Variants in FBXL17 observed in about 807,000 individuals in gnomAD.
The protein encoded by FBXL17 is F-box and leucine rich repeat protein 17.
Under a neutral mutation model 66.2 loss-of-function variants are expected in FBXL17, and 22 were observed. That is an observed-to-expected ratio of 0.33 (90% CI 0.24 to 0.47). The LOEUF (loss-of-function observed/expected upper bound fraction) is 0.47. Ranked by LOEUF, FBXL17 falls within the 20% of genes least tolerant of loss-of-function variation. FBXL17 has a pLI of 1.00. For missense variants in FBXL17, 878 were observed against 948.2 expected (o/e 0.93, Z 0.97); for synonymous variants, 474 against 400.5 (o/e 1.18, Z -2.19).
chr5:108,020,220 A>G (rs748851176), intron 7 of FBXL17, among the ~76,000 whole-genome samples: 26 of 151,952 alleles, frequency 1.7e-4, no homozygotes, highest in Admixed American at 3.3e-4. Flanking sequence ...TATAAAGCCT[A>G]ATATATTTTC....
chr5:108,316,247 T>C (rs546510560), intron 4 of FBXL17, among the ~76,000 whole-genome samples: 3 of 151,646 alleles, frequency 2.0e-5, no homozygotes, highest in South Asian at 4.1e-4. Flanking sequence ...CAAACTGTTA[T>C]TAAAATACTT....
intron 7 of FBXL17, among the ~76,000 whole-genome samples, chr5:107,947,465 A>G (rs1580233475): frequency 6.6e-6 from 1 of 152,154 alleles, no homozygotes; most frequent in Non-Finnish European, 1.5e-5. Context: ...ATCTTGACTG[A>G]CCTTGACCAT....
chr5:107,964,637 T>G (rs1480939599), intron 7 of FBXL17, among the ~76,000 whole-genome samples: 1 of 152,110 alleles, frequency 6.6e-6, no homozygotes, highest in Non-Finnish European at 1.5e-5. Flanking sequence ...ATACAATGGA[T>G]AGCTTTACCT....
At chr5:108,318,814 T>C (rs992801264) in intron 4 of FBXL17, among the ~76,000 whole-genome samples, 3 of 151,964 alleles carry the variant, frequency 2.0e-5, no homozygotes, top group Non-Finnish European at 4.4e-5. Flanking sequence ...AAACAAGTGA[T>C]GGTTATGAAA....
Position 108,265,993 on chromosome 5 carries a change from T to A in FBXL17, c.1507-41765A>T, listed in dbSNP as rs1011744883. Among the ~76,000 whole-genome samples, 6 of 152,296 alleles carry A rather than the reference T, an allele frequency of 3.9e-5. No homozygotes were observed. In the South Asian group the frequency reaches 8.3e-4, roughly 21 times the overall value. On this transcript the variant is annotated intron_variant, in intron 4 of 8. Coordinates refer to ENST00000542267, the MANE Select transcript of FBXL17 (RefSeq NM_001163315.3). Reference sequence around the variant, plus strand: ...CAGAAATACTTAGTTGCCCTTCAGTTTTTTCTTACTGAGGGGAACTAATTC... The same window carrying A: ...CAGAAATACTTAGTTGCCCTTCAGTATTTTCTTACTGAGGGGAACTAATTC...
At chr5:108,029,566 G>A (rs1431782953) in intron 6 of FBXL17, among the ~76,000 whole-genome samples, 1 of 152,046 alleles carries the variant, frequency 6.6e-6, no homozygotes, top group Non-Finnish European at 1.5e-5. Flanking sequence ...TAAGAAAGAG[G>A]TAGCAGGTCA....
intron 6 of FBXL17, among the ~76,000 whole-genome samples, chr5:108,175,014 CT>C (rs1752747750): frequency 6.6e-6 from 1 of 152,126 alleles, no homozygotes; most frequent in Admixed American, 6.5e-5. Flanking sequence ...TAAATTTTCA[CT>C]TTATGAAGCA....
intron 7 of FBXL17, among the ~76,000 whole-genome samples, chr5:107,946,252 ATT>A (rs201604465): frequency 4.6e-4 from 26 of 56,908 alleles, no homozygotes; most frequent in African/African-American, 1.6e-3. Context: ...TATCAATCTC[ATT>A]TTATATATAT....
intron 4 of FBXL17, among the ~76,000 whole-genome samples, chr5:108,255,735 A>G (rs1012440621): frequency 1.3e-5 from 2 of 152,148 alleles, no homozygotes; most frequent in Non-Finnish European, 2.9e-5. Context: ...ATAGCCTTTC[A>G]GTAGTTTCAC....
At chr5:108,007,520 G>A (rs1339635194) in intron 7 of FBXL17, among the ~76,000 whole-genome samples, 1 of 151,628 alleles carries the variant, frequency 6.6e-6, no homozygotes, top group Non-Finnish European at 1.5e-5. Flanking sequence ...TTTTCAACCA[G>A]TTTCTTAAAG....
At chr5:108,147,214 A>C (rs1051745299) in intron 6 of FBXL17, among the ~76,000 whole-genome samples, 1 of 152,212 alleles carries the variant, frequency 6.6e-6, no homozygotes, top group African/African-American at 2.4e-5. Context: ...GCAAGAACTC[A>C]GAGTTTTCCC....
At chr5:108,315,885 C>A (rs1413523054) in intron 4 of FBXL17, among the ~76,000 whole-genome samples, 1 of 151,210 alleles carries the variant, frequency 6.6e-6, no homozygotes, top group Non-Finnish European at 1.5e-5. Flanking sequence ...TAAGAAAAAT[C>A]ATCTTTGATG....
intron 6 of FBXL17, among the ~76,000 whole-genome samples, chr5:108,093,163 T>C (rs531689156): frequency 7.0e-4 from 107 of 152,126 alleles, no homozygotes; most frequent in Non-Finnish European, 1.4e-3. Flanking sequence ...TCAATGTTTA[T>C]AATTAATTAA....
chr5:108,157,482 A>C, intron 6 of FBXL17, among the ~76,000 whole-genome samples: 1 of 151,808 alleles, frequency 6.6e-6, no homozygotes, highest in East Asian at 1.9e-4. Context: ...TCACAAATAA[A>C]ACTTTTTTAT....
intron 4 of FBXL17, among the ~76,000 whole-genome samples, chr5:108,270,647 TATG>T (rs1757230982): frequency 1.3e-5 from 2 of 151,886 alleles, no homozygotes; most frequent in African/African-American, 2.4e-5. Context: ...TCTTTCTCAG[TATG>T]ATGTTTGTTT....
intron 5 of FBXL17, among the ~76,000 whole-genome samples, chr5:108,202,904 T>A (rs1753956007): frequency 6.6e-6 from 1 of 152,152 alleles, no homozygotes; most frequent in African/African-American, 2.4e-5. Context: ...TTTTAAAAAA[T>A]ACTATTTTAG....
rs146360815 is a variant in FBXL17 at position 108,374,319 on chromosome 5, T to C, written c.994-6366A>G. On this transcript the variant is annotated intron_variant, in intron 1 of 8. Transcript: ENST00000542267. Reference sequence around the variant, plus strand: ...CACTACAAGTCAAGTCTCAACAAATTTGAAAATATTAAGCTCATACAAAGT... The same window carrying C: ...CACTACAAGTCAAGTCTCAACAAATCTGAAAATATTAAGCTCATACAAAGT... Among the ~76,000 whole-genome samples, 381 of 152,248 alleles carry C rather than the reference T, an allele frequency of 2.5e-3. 1 individual carries two copies. Among genetic ancestry groups the C allele is most frequent in the African/African-American group, 8.8e-3 (367 of 41,550 alleles).
intron 7 of FBXL17, among the ~76,000 whole-genome samples, chr5:107,915,276 T>C (rs1360132862): frequency 1.3e-5 from 2 of 152,166 alleles, no homozygotes; most frequent in East Asian, 1.9e-4. Flanking sequence ...TTTTTTAAAT[T>C]TGTATACCCT....
At chr5:108,224,761 T>G (rs1755026897) in intron 4 of FBXL17, among the ~76,000 whole-genome samples, 1 of 151,342 alleles carries the variant, frequency 6.6e-6, no homozygotes, top group African/African-American at 2.4e-5. Context: ...CCAACTAGTT[T>G]TTTTGGTTTT....
Sources: allele counts gnomAD v4.1 joint callset (sites outside exome capture counted in the v4.1 genomes callset), GRCh38; gene constraint gnomAD v4.1.1; transcripts MANE v1.5; gene names NCBI Gene and HGNC (gene_info 2026-07-23, HGNC 2026-07-21).